Variants in CCDC141 observed in about 807,000 individuals in gnomAD.
CCDC141 encodes coiled-coil domain-containing protein 141.
CCDC141 carries 168 observed loss-of-function variants against 181.0 expected under a neutral mutation model. That is an observed-to-expected ratio of 0.93 (90% confidence interval 0.82 to 1.05). The LOEUF (loss-of-function observed/expected upper bound fraction) is 1.05. Ranked by LOEUF, CCDC141 falls within the 50% of genes least tolerant of loss-of-function variation. The pLI is 0.00. For synonymous variants in CCDC141, 666 were observed against 642.3 expected, an observed-to-expected ratio of 1.04 and a Z score of -0.56; for missense variants, 1,902 against 1,788.5, an observed-to-expected ratio of 1.06 and a Z score of -1.14.
intron 2 of CCDC141, among the ~76,000 whole-genome samples, chr2:179,043,362 C>T (rs1575384501): frequency 1.3e-5 from 2 of 151,998 alleles, no homozygotes; most frequent in African/African-American, 4.8e-5. Flanking sequence ...TCCTCCCTAA[C>T]TCATCCTGAT....
intron 2 of CCDC141, among the ~76,000 whole-genome samples, chr2:178,982,912 T>C (rs1006839235): frequency 6.6e-6 from 1 of 152,194 alleles, no homozygotes; most frequent in Non-Finnish European, 1.5e-5. Context: ...TTGCCCAGGC[T>C]TGCTTAGGTA....
At chr2:179,026,315 GC>G (rs1339578230) in intron 2 of CCDC141, among the ~76,000 whole-genome samples, 1 of 152,204 alleles carries the variant, frequency 6.6e-6, no homozygotes, top group Non-Finnish European at 1.5e-5. Context: ...GGACTTGGTG[GC>G]CTGCATCCCA....
the CCDC141 span, among the ~76,000 whole-genome samples, chr2:178,822,004 G>A: frequency 6.6e-6 from 1 of 152,002 alleles, no homozygotes; most frequent in African/African-American, 2.4e-5. Flanking sequence ...CTTGGAACCA[G>A]CCCAAATGTC....
At chr2:178,968,438 C>G (rs1690732292) in intron 4 of CCDC141, among the ~76,000 whole-genome samples, 2 of 152,124 alleles carry the variant, frequency 1.3e-5, no homozygotes, top group South Asian at 2.1e-4. Context: ...GAAACTCACT[C>G]AAAACCGCAC....
chr2:178,834,009 A>G lies in CCDC141; in HGVS notation c.*164T>C. The G allele has an allele frequency of 1.4e-6, 1 of 692,428 alleles. No homozygotes were observed. The highest frequency in any genetic ancestry group is 2.3e-6 in the Non-Finnish European group (1 of 426,832). 42.9% of individuals were successfully genotyped at this position (692,428 alleles called of 1,614,324 possible). A position where few individuals can be genotyped will look rare whatever the true frequency, so the allele number is the denominator to read the frequency against. ...TTCTCAAATATATTAAACGCTCCAG[A>G]AAATTTGATTATTTCACCTAGCAGT... On this transcript the variant is annotated 3_prime_UTR_variant, in exon 24 of 24. Transcript: ENST00000443758.
At chr2:178,974,977 A>G (rs548498795) in intron 4 of CCDC141, 80 bp downstream of exon 4, 570 of 615,128 alleles carry the variant, frequency 9.3e-4, no homozygotes, top group Non-Finnish European at 1.3e-3. Flanking sequence ...TTTAAAATAC[A>G]CTATCATACA....
chr2:178,882,721 G>A (rs542988956), intron 11 of CCDC141, among the ~76,000 whole-genome samples: 32 of 152,122 alleles, frequency 2.1e-4, no homozygotes, highest in Admixed American at 1.2e-3. Flanking sequence ...GCAGAGGCCC[G>A]TGCATTTGTA....
At chr2:178,988,685 G>A (rs185783776) in intron 2 of CCDC141, among the ~76,000 whole-genome samples, 1 of 152,160 alleles carries the variant, frequency 6.6e-6, no homozygotes, top group Admixed American at 6.5e-5. Context: ...GACTTGTAAG[G>A]GGATCATAAT....
At chr2:178,949,291 G>A (rs1434442721) in intron 5 of CCDC141, among the ~76,000 whole-genome samples, 1 of 152,112 alleles carries the variant, frequency 6.6e-6, no homozygotes, top group Non-Finnish European at 1.5e-5. Flanking sequence ...AGAAGTATTA[G>A]GTACGAATTT....
chr2:178,975,272 A>G, intron 3 of CCDC141, 107 bp from the exon 4 acceptor site: 1 of 568,564 alleles, frequency 1.8e-6, no homozygotes, highest in East Asian at 2.9e-5. Context: ...CCAACTGAGG[A>G]TGTGTGATTA....
rs1276687705 is a variant in CCDC141 at position 178,855,475 on chromosome 2, C to T, written c.2932G>A (p.Asp978Asn). The change falls in exon 19 of 24, where the codon GAT becomes AAT. Residue 978 changes from aspartate to asparagine, a missense_variant. Coordinates refer to ENST00000443758, the MANE Select transcript of CCDC141 (RefSeq NM_173648.4). ...TSDSFLNYPS[D>N]KVNVLLEVMK... ...ACTTCCAAAAGGACATTAACTTTAT[C>T]ACTTGGATAATTTAAGAAAGAATCA... 1 of 1,609,618 alleles carries T rather than the reference C, an allele frequency of 6.2e-7. No homozygotes were observed. Among genetic ancestry groups the T allele is most frequent in the African/African-American group, 1.3e-5 (1 of 74,754 alleles).
chr2:178,978,684 A>G lies in CCDC141; in HGVS notation c.226-9T>C. On this transcript the variant is annotated splice_polypyrimidine_tract_variant and intron_variant, in intron 2 of 23. Coordinates refer to ENST00000443758, the MANE Select transcript of CCDC141 (RefSeq NM_173648.4). ...ACCCGATCTTCCAAAGCCTAAGTAC[A>G]AAAGAAAAAGGCATAAGGCAGGGTG... 1 of 1,515,946 alleles carries G rather than the reference A, an allele frequency of 6.6e-7. No individual in the cohort carries two copies. Among genetic ancestry groups the G allele is most frequent in the East Asian group, 2.5e-5 (1 of 39,422 alleles). 93.9% of individuals were successfully genotyped at this position (1,515,946 alleles called of 1,614,324 possible).
At chr2:178,846,954 C>A (rs1459304791) in intron 21 of CCDC141, among the ~76,000 whole-genome samples, 3 of 152,152 alleles carry the variant, frequency 2.0e-5, no homozygotes, top group Non-Finnish European at 4.4e-5. Context: ...AAAAGAGAGC[C>A]ATAGCATCAA....
chr2:178,885,422 C>G (rs1196553217), intron 10 of CCDC141, among the ~76,000 whole-genome samples: 1 of 152,118 alleles, frequency 6.6e-6, no homozygotes, highest in Non-Finnish European at 1.5e-5. Flanking sequence ...CATGAGATAG[C>G]TATTTGAAAT....
intron 8 of CCDC141, among the ~76,000 whole-genome samples, chr2:178,901,993 C>T (rs1687718106): frequency 6.6e-6 from 1 of 152,112 alleles, no homozygotes; most frequent in Admixed American, 6.6e-5. Flanking sequence ...CATGAGTGAA[C>T]TCCCATTCAC....
intron 6 of CCDC141, among the ~76,000 whole-genome samples, chr2:178,936,937 A>C (rs1689314076): frequency 6.6e-6 from 1 of 152,152 alleles, no homozygotes; most frequent in South Asian, 2.1e-4. Flanking sequence ...ATTTCTGTAC[A>C]TTGATTTTGT....
At chr2:178,913,445 C>A (rs1420922583) in intron 7 of CCDC141, among the ~76,000 whole-genome samples, 1 of 150,570 alleles carries the variant, frequency 6.6e-6, no homozygotes, top group African/African-American at 2.4e-5. Context: ...ACAACTGGAC[C>A]ATTTTAATTA....
Position 178,856,506 on chromosome 2 carries a change from G to T in CCDC141, c.2725-109C>A, listed in dbSNP as rs188522283. ...TTCAAAATACTCATAATCTTAAAAAGGTATTTAGGGTAATTTTCCCTCCCT... is the reference window on the plus strand; with the variant it reads ...TTCAAAATACTCATAATCTTAAAAATGTATTTAGGGTAATTTTCCCTCCCT... On this transcript the variant is annotated intron_variant, in intron 17 of 23. Transcript: ENST00000443758. 1,622 of 747,938 alleles carry T rather than the reference G, an allele frequency of 2.2e-3. 22 individuals are homozygous for T. The highest frequency in any genetic ancestry group is 0.017 in the South Asian group (514 of 29,718). The allele number at this position is 747,938 out of a possible 1,614,324, so 46.3% of individuals were successfully genotyped here. A position where few individuals can be genotyped will look rare whatever the true frequency, so the allele number is the denominator to read the frequency against.
At chr2:178,988,686 G>A (rs1364627813) in intron 2 of CCDC141, among the ~76,000 whole-genome samples, 1 of 151,972 alleles carries the variant, frequency 6.6e-6, no homozygotes. Context: ...ACTTGTAAGG[G>A]GATCATAATA....
Sources: gnomAD v4.1 joint callset for allele counts (sites outside exome capture counted in the v4.1 genomes callset) on GRCh38, gnomAD v4.1.1 for gene constraint, MANE v1.5 for transcripts, NCBI Gene and HGNC (gene_info 2026-07-23, HGNC 2026-07-21) for gene names.